CRB1: variants seen among roughly 807,000 people sequenced by gnomAD.
The protein encoded by CRB1 is protein crumbs homolog 1.
CRB1 carries 83 observed loss-of-function variants against 120.0 expected under a neutral mutation model. That is an observed-to-expected ratio of 0.69 (90% confidence interval 0.58 to 0.83). CRB1 has a LOEUF of 0.83. CRB1 is among the 40% of genes least tolerant of loss of function. The pLI is 0.00. For synonymous variants in CRB1, 625 were observed against 612.5 expected (o/e 1.02, Z -0.30); for missense variants, 1,699 against 1,687.6 (o/e 1.01, Z -0.12).
intron 1 of CRB1, among the ~76,000 whole-genome samples, chr1:197,303,727 T>C (rs1423247114): frequency 6.6e-6 from 1 of 152,164 alleles, no homozygotes; most frequent in Non-Finnish European, 1.5e-5. Context: ...AATAAGCCAC[T>C]TTAGATTTCA....
chr1:197,263,795 A>T (rs957408655), upstream of CRB1, among the ~76,000 whole-genome samples: 2 of 152,024 alleles, frequency 1.3e-5, no homozygotes, highest in African/African-American at 4.8e-5. Flanking sequence ...AAAAAACTTC[A>T]GATCTATCTT....
intron 5 of CRB1, among the ~76,000 whole-genome samples, chr1:197,418,261 T>G (rs1664107228): frequency 6.6e-6 from 1 of 152,222 alleles, no homozygotes; most frequent in Non-Finnish European, 1.5e-5. Context: ...CTTTTCATAT[T>G]CAGTTATATT....
chr1:197,205,972 G>A, the CRB1 span, among the ~76,000 whole-genome samples: 3 of 151,260 alleles, frequency 2.0e-5, no homozygotes, highest in African/African-American at 7.3e-5. Context: ...ATTCTTCCTG[G>A]TTTTAACTGG....
chr1:197,467,401 C>G (rs191163099), intron 11 of CRB1, among the ~76,000 whole-genome samples: 68 of 152,114 alleles, frequency 4.5e-4, no homozygotes, highest in South Asian at 1.7e-3. Context: ...TTTAGTATCT[C>G]TTAAGAAAGA....
chr1:197,267,148 G>T (rs1156607821), upstream of CRB1, among the ~76,000 whole-genome samples: 1 of 152,096 alleles, frequency 6.6e-6, no homozygotes, highest in Admixed American at 6.5e-5. Context: ...TTCTCCAATT[G>T]ACAAAACACA....
intron 10 of CRB1, chr1:197,441,907 A>G: frequency 2.1e-6 from 1 of 482,402 alleles, no homozygotes; most frequent in Non-Finnish European, 3.7e-6. Flanking sequence ...GTTTCTAAAT[A>G]TTTGCATCTA....
intron 11 of CRB1, among the ~76,000 whole-genome samples, chr1:197,471,345 C>T (rs540972393): frequency 1.3e-5 from 2 of 152,192 alleles, no homozygotes; most frequent in Admixed American, 1.3e-4. Context: ...AGTCTTACAG[C>T]CCTTGGAGGG....
intron 11 of CRB1, among the ~76,000 whole-genome samples, chr1:197,448,474 T>C (rs1665806762): frequency 6.6e-6 from 1 of 152,184 alleles, no homozygotes; most frequent in African/African-American, 2.4e-5. Context: ...TTCAAGCCCT[T>C]TATAAATGTG....
At chr1:197,398,197 T>C (rs1168929564) in intron 5 of CRB1, among the ~76,000 whole-genome samples, 1 of 152,200 alleles carries the variant, frequency 6.6e-6, no homozygotes, top group Admixed American at 6.5e-5. Flanking sequence ...TTTCCCTTTC[T>C]CTTCCACAAT....
At chr1:197,379,972 G>A (rs1025429920) in intron 5 of CRB1, among the ~76,000 whole-genome samples, 1 of 152,138 alleles carries the variant, frequency 6.6e-6, no homozygotes, top group African/African-American at 2.4e-5. Flanking sequence ...ACTTTTTCAT[G>A]AGAAAGTTTG....
chr1:197,381,864 T>A (rs1235421976), intron 5 of CRB1, among the ~76,000 whole-genome samples: 7 of 152,254 alleles, frequency 4.6e-5, no homozygotes. Context: ...ATGTAAGTTC[T>A]GCACTCCTTA....
intron 1 of CRB1, among the ~76,000 whole-genome samples, chr1:197,292,022 G>T (rs1656213709): frequency 6.6e-6 from 1 of 151,982 alleles, no homozygotes. Context: ...AGAAGCAAGA[G>T]CAAACACATT....
At chr1:197,279,450 T>A (rs1161791508) in intron 1 of CRB1, among the ~76,000 whole-genome samples, 2 of 151,688 alleles carry the variant, frequency 1.3e-5, no homozygotes, top group Admixed American at 1.3e-4. Flanking sequence ...TCTGTAATTA[T>A]AAACTCAAAT....
Position 197,427,960 on chromosome 1 carries a change from G to A in CRB1, c.2635G>A (p.Val879Ile), listed in dbSNP as rs200313756. 3.1e-6 allele frequency: 5 copies of A among 1,613,954 alleles called. No individual in the cohort carries two copies. The African/African-American group carries it at 5.3e-5, about 17-fold the overall frequency. The change falls in exon 7 of 12, where the codon GTC (valine) becomes ATC (isoleucine). Residue 879 changes from valine to isoleucine, a missense_variant. Coordinates refer to ENST00000367400, the MANE Select transcript of CRB1 (RefSeq NM_201253.3). The part of the protein sequence containing the change: ...TNNASLNPVL[V>I]NVTQGCAGDN... Reference sequence around the variant, plus strand: ...CAATGCATCTCTCAATCCAGTTCTTGTCAATGTAACCCAAGGCTGTGCTGG... The same window carrying A: ...CAATGCATCTCTCAATCCAGTTCTTATCAATGTAACCCAAGGCTGTGCTGG...
chr1:197,217,628 G>T, the CRB1 span, among the ~76,000 whole-genome samples: 1 of 152,138 alleles, frequency 6.6e-6, no homozygotes, highest in Non-Finnish European at 1.5e-5. Context: ...AATTTATAGA[G>T]TTGGAAAGTA....
chr1:197,206,801 T>C, the CRB1 span, among the ~76,000 whole-genome samples: 2 of 152,178 alleles, frequency 1.3e-5, no homozygotes, highest in African/African-American at 4.8e-5. Context: ...TTAATTTCTG[T>C]CTTGATAACC....
chr1:197,354,591 T>C lies in CRB1; in HGVS notation c.989-2240T>C, dbSNP rs114273056. Among the ~76,000 whole-genome samples, 786 of 152,166 alleles carry C rather than the reference T, an allele frequency of 5.2e-3. 7 individuals carry two copies. Among genetic ancestry groups the C allele is most frequent in the African/African-American group, 0.018 (740 of 41,532 alleles). On this transcript the variant is annotated intron_variant, in intron 4 of 11. Transcript: ENST00000367400. ...CGTCTGGCCGCGTCTGGAGAGTTGT[T>C]TATTCCTCCTGGAGGGTTCGTGGTC...
the CRB1 span, among the ~76,000 whole-genome samples, chr1:197,251,955 A>G: frequency 2.0e-5 from 3 of 152,150 alleles, no homozygotes; most frequent in East Asian, 5.8e-4. Flanking sequence ...CTAGGTTAAT[A>G]TCTGTAGCCA....
chr1:197,417,455 C>T (rs1160708026), intron 5 of CRB1, among the ~76,000 whole-genome samples: 2 of 152,098 alleles, frequency 1.3e-5, no homozygotes, highest in East Asian at 1.9e-4. Context: ...ATAGTTCTTC[C>T]CAATAGGCCT....
Sources: gnomAD v4.1 joint callset for allele counts (sites outside exome capture counted in the v4.1 genomes callset) on GRCh38, gnomAD v4.1.1 for gene constraint, MANE v1.5 for transcripts, NCBI Gene and HGNC (gene_info 2026-07-23, HGNC 2026-07-21) for gene names.